EPC1: variants seen among roughly 807,000 people sequenced by gnomAD.
EPC1 encodes the protein enhancer of polycomb 1, also known as enhancer of polycomb homolog 1.
EPC1 carries 12 observed loss-of-function variants against 98.4 expected under a neutral mutation model. The observed-to-expected ratio is 0.12, with a 90% CI of 0.08 to 0.20. EPC1 has a LOEUF of 0.20. Among genes scored for constraint, EPC1 ranks in the 10% least tolerant of loss-of-function variants. The probability of loss-of-function intolerance (pLI) is 1.00; values close to 1 mark genes in which losing one functional copy is unlikely to be tolerated. For synonymous variants in EPC1, 357 were observed against 363.9 expected, an observed-to-expected ratio of 0.98 and a Z score of 0.21; for missense variants, 729 against 990.5, an observed-to-expected ratio of 0.74 and a Z score of 3.54.
chr10:32,319,131 C>A (rs181954290), intron 1 of EPC1, among the ~76,000 whole-genome samples: 3 of 152,250 alleles, frequency 2.0e-5, no homozygotes, highest in African/African-American at 7.2e-5. Flanking sequence ...GATGTCTACC[C>A]CGCTTTTGGA....
upstream of EPC1, among the ~76,000 whole-genome samples, chr10:32,351,887 C>T (rs990232496): frequency 2.5e-4 from 38 of 150,134 alleles, no homozygotes; most frequent in Admixed American, 5.3e-4. Flanking sequence ...TGCGCCATCA[C>T]GCCCGGCTAA....
chr10:32,275,618 A>AC (rs1470600804), intron 10 of EPC1, among the ~76,000 whole-genome samples: 41 of 152,098 alleles, frequency 2.7e-4, no homozygotes, highest in African/African-American at 8.7e-4. Flanking sequence ...AAAAAAACAA[A>AC]AAAAAAATTA....
intron 1 of EPC1, among the ~76,000 whole-genome samples, chr10:32,320,456 G>A (rs894179773): frequency 6.6e-6 from 1 of 152,108 alleles, no homozygotes; most frequent in African/African-American, 2.4e-5. Flanking sequence ...AAATAATTTT[G>A]GGATATGCAC....
chr10:32,347,295 G>A (rs1418280084), upstream of EPC1: 2 of 800,938 alleles, frequency 2.5e-6, no homozygotes, highest in Non-Finnish European at 1.6e-6. Context: ...GGCACCCGCC[G>A]GCCTCGCTTC....
At chr10:32,281,643 T>G (rs987703814) in intron 10 of EPC1, 4 of 151,388 alleles carry the variant, frequency 2.6e-5, no homozygotes, top group Non-Finnish European at 5.9e-5. Flanking sequence ...TATTTAGAAT[T>G]CTGTATAACA....
intron 1 of EPC1, among the ~76,000 whole-genome samples, chr10:32,357,773 T>C (rs894194000): frequency 9.2e-5 from 14 of 152,020 alleles, no homozygotes; most frequent in Admixed American, 3.3e-4. Context: ...TTTGTTAGTT[T>C]TTGTTTTTGC....
intron 10 of EPC1, among the ~76,000 whole-genome samples, chr10:32,278,371 GTTTTT>G (rs58729377): frequency 7.8e-5 from 8 of 102,598 alleles, no homozygotes; most frequent in Non-Finnish European, 1.5e-4. Context: ...GTTTTTTTTT[GTTTTT>G]TTTTTTTTGT....
At chr10:32,327,248 A>G (rs1197505888) in intron 1 of EPC1, among the ~76,000 whole-genome samples, 1 of 152,196 alleles carries the variant, frequency 6.6e-6, no homozygotes, top group African/African-American at 2.4e-5. Flanking sequence ...TCAACAAAAC[A>G]AAACAACAAC....
intron 1 of EPC1, among the ~76,000 whole-genome samples, chr10:32,356,495 G>A (rs986325611): frequency 2.0e-5 from 3 of 152,098 alleles, no homozygotes; most frequent in Admixed American, 1.3e-4. Context: ...CAAGAACAGA[G>A]GGAGAGGCTG....
Position 32,271,749 on chromosome 10 carries a change from T to G in EPC1, c.2174A>C (p.Gln725Pro), listed in dbSNP as rs780551835. The G allele has an allele frequency of 5.6e-6, 9 of 1,614,162 alleles. No homozygotes were observed. In the South Asian group the frequency reaches 8.8e-5, roughly 16 times the overall value. ...QVTAANSATTQVLIGNNIRLT... is the reference protein window; with the variant it reads ...QVTAANSATTPVLIGNNIRLT... ...TCGAATGTTGTTCCCAATCAGAACC[T>G]GAGTTGTTGCAGAATTGGCAGCAGT... The change falls in exon 13 of 14, where the codon CAG (glutamine) becomes CCG (proline). Residue 725 changes from glutamine (Q) to proline (P), a missense_variant. This residue lies in a region of EPC1 where 156 missense variants were observed against 188.9 expected (regional missense o/e 0.83). Coordinates refer to ENST00000319778, the MANE Select transcript of EPC1 (RefSeq NM_001272004.3).
chr10:32,298,280 TCAAA>T (rs1407127840), intron 2 of EPC1, among the ~76,000 whole-genome samples: 1 of 152,172 alleles, frequency 6.6e-6, no homozygotes, highest in African/African-American at 2.4e-5. Context: ...CATTTATGAC[TCAAA>T]CTAAGTGTGC....
intron 2 of EPC1, among the ~76,000 whole-genome samples, chr10:32,304,411 C>T (rs998268425): frequency 4.6e-5 from 7 of 152,134 alleles, no homozygotes; most frequent in Non-Finnish European, 8.8e-5. Context: ...CTTTCAAATC[C>T]ACCTTGGCAT....
At chr10:32,311,071 G>A (rs1045793692) in intron 1 of EPC1, among the ~76,000 whole-genome samples, 4 of 152,154 alleles carry the variant, frequency 2.6e-5, no homozygotes, top group African/African-American at 9.7e-5. Flanking sequence ...AGCACTTTGG[G>A]AGGCCAAGGC....
Position 32,271,851 on chromosome 10 carries a change from G to A in EPC1, c.2072C>T (p.Thr691Met), listed in dbSNP as rs138540076. 311 of 1,614,138 alleles carry A rather than the reference G, an allele frequency of 1.9e-4. 1 individual carries two copies. The African/African-American group carries it at 3.2e-3, about 17-fold the overall frequency. Residue 691 changes from threonine (T) to methionine (M), a missense_variant, in exon 13 of 14, where the codon ACG becomes ATG. Physicochemically the swap from Thr to Met is moderately conservative, Grantham distance 81. This residue lies in a region of EPC1 where 156 missense variants were observed against 188.9 expected (regional missense o/e 0.83). Transcript: ENST00000319778. ...AGGCTGTAACAAAGCTGAACCTGCC[G>A]TTGATGGACTTGTATGTACAAGTGC... ...PTALVHTSPS[T>M]AGSALLQPSN... is the part of the protein sequence containing the mutation.
intron 1 of EPC1, among the ~76,000 whole-genome samples, chr10:32,355,340 T>C (rs1365794409): frequency 6.6e-6 from 1 of 152,216 alleles, no homozygotes; most frequent in Non-Finnish European, 1.5e-5. Flanking sequence ...AGAGGAACTA[T>C]TCGGTAGTCT....
At chr10:32,341,046 G>A (rs913370) in intron 1 of EPC1, among the ~76,000 whole-genome samples, 150,312 of 152,316 alleles carry the variant, frequency 0.99, 74,188 homozygotes, top group Middle Eastern at 1. Flanking sequence ...CCTTAGACAC[G>A]CTCAATTCTT....
intron 1 of EPC1, among the ~76,000 whole-genome samples, chr10:32,336,487 G>A (rs1175811111): frequency 1.3e-5 from 2 of 152,142 alleles, no homozygotes; most frequent in Non-Finnish European, 1.5e-5. Flanking sequence ...GAATGCTACT[G>A]CCCAAGTGAG....
chr10:32,336,850 G>A (rs1025774799), intron 1 of EPC1, among the ~76,000 whole-genome samples: 3 of 152,228 alleles, frequency 2.0e-5, no homozygotes, highest in Non-Finnish European at 4.4e-5. Flanking sequence ...CCTTGAGTAG[G>A]AGAGAGGATG....
At chr10:32,370,415 T>C (rs137888371) in intron 1 of EPC1, among the ~76,000 whole-genome samples, 2,272 of 152,316 alleles carry the variant, frequency 0.015, 60 homozygotes, top group African/African-American at 0.051. Context: ...CTCTATAACT[T>C]AGCAATTCTC....
Sources: gnomAD v4.1 joint callset for allele counts (sites outside exome capture counted in the v4.1 genomes callset) on GRCh38, gnomAD v4.1.1 for gene constraint, gnomAD v4.1.1 regional missense constraint, MANE v1.5 for transcripts, NCBI Gene and HGNC (gene_info 2026-07-23, HGNC 2026-07-21) for gene names.